SNX7: variants seen among roughly 807,000 people sequenced by gnomAD.
The protein encoded by SNX7 is sorting nexin-7.
A neutral mutation model predicts 48.4 loss-of-function variants in SNX7; 35 were observed. The ratio of observed to expected loss-of-function variants is 0.72; its 90% CI spans 0.55 to 0.96. The LOEUF is 0.96. Ranked by LOEUF, SNX7 falls within the 40% of genes least tolerant of loss-of-function variation. The probability of loss-of-function intolerance (pLI) is 0.00; values close to 1 mark genes in which losing one functional copy is unlikely to be tolerated. For missense variants in SNX7, 553 were observed against 548.9 expected (o/e 1.01, Z -0.07); for synonymous variants, 190 against 190.2 (o/e 1.00, Z 0.01).
intron 1 of SNX7, among the ~76,000 whole-genome samples, chr1:98,669,968 G>A (rs1448376731): frequency 6.6e-6 from 1 of 152,146 alleles, no homozygotes; most frequent in Non-Finnish European, 1.5e-5. Context: ...TCTATTTACA[G>A]AATAAATACA....
chr1:98,742,444 A>G (rs1486340550), intron 8 of SNX7, among the ~76,000 whole-genome samples: 1 of 152,068 alleles, frequency 6.6e-6, no homozygotes, highest in Non-Finnish European at 1.5e-5. Context: ...TGCTGGCCCA[A>G]GTTTCTACTA....
chr1:98,728,075 C>T (rs1653284920), intron 7 of SNX7, among the ~76,000 whole-genome samples: 1 of 152,056 alleles, frequency 6.6e-6, no homozygotes. Context: ...AATCCCAAGA[C>T]ACATAATCTT....
chr1:98,685,055 G>T lies in SNX7; in HGVS notation c.351G>T (p.Arg117Ser). The T allele has an allele frequency of 1.3e-6, 2 of 1,505,880 alleles. No homozygotes were observed. The highest frequency in any genetic ancestry group is 2.3e-5 in the East Asian group (1 of 42,624). 93.3% of individuals were successfully genotyped at this position (1,505,880 alleles called of 1,614,324 possible). The change falls in exon 2 of 9, where the codon AGG becomes AGT. Residue 117 changes from arginine (R) to serine (S), a missense_variant. Coordinates refer to ENST00000306121, the MANE Select transcript of SNX7 (RefSeq NM_015976.5). ...CAATAGAAACTTTCATTACGTATAG[G>T]ATTATTACTAAGGTAAACATTTGGT... is the stretch of plus-strand genomic sequence containing the variant. ...VTTIETFITY[R>S]IITKTSRGEF...
intron 1 of SNX7, among the ~76,000 whole-genome samples, chr1:98,665,782 G>C (rs547009551): frequency 6.6e-6 from 1 of 152,112 alleles, no homozygotes; most frequent in East Asian, 1.9e-4. Flanking sequence ...TAGAGACAGG[G>C]TTTCATCATG....
intron 1 of SNX7, among the ~76,000 whole-genome samples, chr1:98,675,484 T>A (rs556249947): frequency 6.6e-6 from 1 of 152,246 alleles, no homozygotes; most frequent in African/African-American, 2.4e-5. Context: ...CTCATTGGAA[T>A]TGTGAGCCTT....
rs867732524 is a variant in SNX7, at chr1:98,731,522, A to G, written c.1126-6715A>G. Among the ~76,000 whole-genome samples the G allele has an allele frequency of 2.6e-5, 4 of 152,098 alleles. No individual in the cohort carries two copies. The South Asian group carries it at 6.2e-4, about 24-fold the overall frequency. ...TCAAACTTTCCATAACTCAATTACT[A>G]TACAGTCATATGTTATTAAATGATT... On this transcript the variant is annotated intron_variant, in intron 7 of 8. Coordinates refer to ENST00000306121, the MANE Select transcript of SNX7 (RefSeq NM_015976.5).
chr1:98,727,389 GTAGA>G (rs1416907388), intron 7 of SNX7, among the ~76,000 whole-genome samples: 1 of 151,884 alleles, frequency 6.6e-6, no homozygotes, highest in Non-Finnish European at 1.5e-5. Context: ...AAGATTAAAG[GTAGA>G]TAAACTCAGG....
intron 2 of SNX7, among the ~76,000 whole-genome samples, chr1:98,688,072 A>G (rs1650902419): frequency 6.6e-6 from 1 of 152,188 alleles, no homozygotes; most frequent in Admixed American, 6.5e-5. Flanking sequence ...ATAGTTATAA[A>G]TATTTTGAAG....
At chr1:98,689,884 T>C (rs1488066626) in intron 2 of SNX7, among the ~76,000 whole-genome samples, 2 of 152,168 alleles carry the variant, frequency 1.3e-5, no homozygotes, top group African/African-American at 2.4e-5. Flanking sequence ...ATAGTTAAGA[T>C]TTTGTAGTGT....
chr1:98,676,535 C>G (rs768355942), intron 1 of SNX7, among the ~76,000 whole-genome samples: 2 of 152,130 alleles, frequency 1.3e-5, no homozygotes, highest in Admixed American at 6.5e-5. Flanking sequence ...GATAATCTCT[C>G]TTCTATTATT....
intron 4 of SNX7, among the ~76,000 whole-genome samples, chr1:98,694,074 A>T (rs1651295575): frequency 6.6e-6 from 1 of 152,180 alleles, no homozygotes; most frequent in South Asian, 2.1e-4. Context: ...TTCGTATCTT[A>T]TTACAAGTTT....
Position 98,709,626 on chromosome 1 carries a change from T to G in SNX7, c.1125+7723T>G, listed in dbSNP as rs1477657538. Among the ~76,000 whole-genome samples the G allele has an allele frequency of 2.0e-5, 3 of 152,220 alleles. No homozygotes were observed. In the South Asian group the frequency reaches 6.2e-4, roughly 31 times the overall value. On this transcript the variant is annotated intron_variant, in intron 7 of 8. Coordinates refer to ENST00000306121, the MANE Select transcript of SNX7 (RefSeq NM_015976.5). ...GAGACCTCATGAGAAAGCTTTCATTTACATCTCAGCACCAGCAATATGGTT... is the reference window on the plus strand; with the variant it reads ...GAGACCTCATGAGAAAGCTTTCATTGACATCTCAGCACCAGCAATATGGTT...
intron 7 of SNX7, among the ~76,000 whole-genome samples, chr1:98,730,229 T>C (rs1432725781): frequency 7.2e-6 from 1 of 139,616 alleles, no homozygotes. Flanking sequence ...TTAAAAACTC[T>C]CAATAAACTA....
chr1:98,724,105 G>A (rs1653041607), intron 7 of SNX7, among the ~76,000 whole-genome samples: 1 of 152,108 alleles, frequency 6.6e-6, no homozygotes, highest in African/African-American at 2.4e-5. Context: ...GGCTGGGGCA[G>A]TTCTTACTCC....
At chr1:98,737,167 T>G (rs755037507) in intron 7 of SNX7, among the ~76,000 whole-genome samples, 16 of 152,094 alleles carry the variant, frequency 1.1e-4, no homozygotes, top group Non-Finnish European at 2.2e-4. Flanking sequence ...TCATTGCCCT[T>G]GGTGTTTCCT....
At chr1:98,663,537 A>T (rs1435105057) in intron 1 of SNX7, among the ~76,000 whole-genome samples, 1 of 152,062 alleles carries the variant, frequency 6.6e-6, no homozygotes, top group Non-Finnish European at 1.5e-5. Context: ...TCGTTTGCTT[A>T]GACCTCTGGG....
At chr1:98,724,256 C>G (rs1034693661) in intron 7 of SNX7, among the ~76,000 whole-genome samples, 4 of 151,924 alleles carry the variant, frequency 2.6e-5, no homozygotes, top group African/African-American at 9.7e-5. Flanking sequence ...ATTCTTGGGG[C>G]CCCGGGTAAA....
chr1:98,661,856 A>T lies in SNX7; in HGVS notation c.125A>T (p.Gln42Leu). The change falls in exon 1 of 9, where the codon CAG becomes CTG. Residue 42 changes from glutamine to leucine, a missense_variant. Coordinates refer to ENST00000306121, the MANE Select transcript of SNX7 (RefSeq NM_015976.5). ...PGSSGSSALL[Q>L]AEVLDLDEDE... Reference sequence around the variant, plus strand: ...AGCAGTGGCTCTTCCGCCCTGCTGCAGGCGGAGGTGCTGGATCTGGACGAG... The same window carrying T: ...AGCAGTGGCTCTTCCGCCCTGCTGCTGGCGGAGGTGCTGGATCTGGACGAG... 8.0e-7 allele frequency: 1 copy of T among 1,246,614 alleles called. No homozygotes were observed. The highest frequency in any genetic ancestry group is 2.8e-4 in the Middle Eastern group (1 of 3,544). The allele number at this position is 1,246,614 out of a possible 1,614,324, so 77.2% of individuals were successfully genotyped here. A position where few individuals can be genotyped will look rare whatever the true frequency, so the allele number is the denominator to read the frequency against.
At chr1:98,686,692 A>G (rs1650820346) in intron 2 of SNX7, among the ~76,000 whole-genome samples, 1 of 152,144 alleles carries the variant, frequency 6.6e-6, no homozygotes, top group South Asian at 2.1e-4. Flanking sequence ...TGTGACTTGG[A>G]CAATTTAATT....
Sources: allele counts gnomAD v4.1 joint callset (sites outside exome capture counted in the v4.1 genomes callset), GRCh38; gene constraint gnomAD v4.1.1; transcripts MANE v1.5; gene names NCBI Gene and HGNC (gene_info 2026-07-23, HGNC 2026-07-21).